Variants in ARHGEF38 observed in about 807,000 individuals in gnomAD.
ARHGEF38 encodes Rho guanine nucleotide exchange factor (GEF) 38.
A neutral mutation model predicts 79.9 loss-of-function variants in ARHGEF38; 79 were observed. The observed-to-expected ratio is 0.99, with a 90% CI of 0.82 to 1.19. The LOEUF (loss-of-function observed/expected upper bound fraction) is 1.19, where lower values mean the gene tolerates loss of function less well. Ranked by LOEUF, ARHGEF38 falls within the 50% of genes most tolerant of loss-of-function variation. The probability of loss-of-function intolerance (pLI) is 0.00; values close to 1 mark genes in which losing one functional copy is unlikely to be tolerated. For synonymous variants in ARHGEF38, 366 were observed against 328.3 expected, an observed-to-expected ratio of 1.11 and a Z score of -1.24; for missense variants, 962 against 907.2, an observed-to-expected ratio of 1.06 and a Z score of -0.78.
intron 4 of ARHGEF38, chr4:105,631,434 A>G: frequency 1.0e-6 from 1 of 987,984 alleles, no homozygotes; most frequent in Non-Finnish European, 1.2e-6. Flanking sequence ...AGTTAGGGGA[A>G]TGGCCTACAA....
intron 6 of ARHGEF38, among the ~76,000 whole-genome samples, chr4:105,647,384 C>T (rs1413535080): frequency 6.6e-6 from 1 of 151,852 alleles, no homozygotes. Context: ...ATATCATGAA[C>T]ATTCTTTCAA....
At position 105,667,484 on chromosome 4, in the gene ARHGEF38, C is replaced by G; in HGVS notation, c.1929C>G (p.Tyr643Ter). The change falls in exon 13 of 14, where the codon TAC (tyrosine) becomes TAG (stop). Residue 643 changes from tyrosine (Y) to a stop codon, truncating the protein, a stop_gained. Transcript: ENST00000420470. LOFTEE classifies it high-confidence loss of function. ...GYVYSSFLKP[Y>*]NPAKMQKVDA... ...TTTATTCCTCCTTCCTAAAACCCTA[C>G]AATCCAGCAAAAATGCAGAAAGTGG... 6.5e-7 allele frequency: 1 copy of G among 1,536,286 alleles called. No individual in the cohort carries two copies. The highest frequency in any genetic ancestry group is 2.4e-5 in the East Asian group (1 of 40,918).
chr4:105,574,452 A>C (rs1408736671), intron 1 of ARHGEF38, among the ~76,000 whole-genome samples: 1 of 151,378 alleles, frequency 6.6e-6, no homozygotes, highest in Admixed American at 6.6e-5. Flanking sequence ...TTGGAGGCTG[A>C]GGCAGGAAAA....
At chr4:105,562,210 C>T (rs761284983) in intron 1 of ARHGEF38, among the ~76,000 whole-genome samples, 1 of 152,156 alleles carries the variant, frequency 6.6e-6, no homozygotes, top group African/African-American at 2.4e-5. Flanking sequence ...GTGTTCTGAT[C>T]CCCCTCAGTG....
intron 4 of ARHGEF38, among the ~76,000 whole-genome samples, chr4:105,634,024 G>A (rs1168154355): frequency 6.6e-6 from 1 of 152,124 alleles, no homozygotes; most frequent in African/African-American, 2.4e-5. Flanking sequence ...TAACGTGAGG[G>A]CAGTGTTTTT....
rs537986025 is a variant in ARHGEF38 at position 105,655,863 on chromosome 4, G to A, written c.1233+141G>A. On this transcript the variant is annotated intron_variant, in intron 9 of 13. Coordinates refer to ENST00000420470, the MANE Select transcript of ARHGEF38 (RefSeq NM_001242729.2). ...ATGTCAAAATTAGTAGATTTAAATG[G>A]GATTTTTTTAAATCATTTAATATTT... The A allele has an allele frequency of 1.5e-4, 146 of 981,956 alleles. 2 individuals are homozygous for A. The South Asian group carries it at 2.7e-3, about 18-fold the overall frequency. 60.8% of individuals were successfully genotyped at this position (981,956 alleles called of 1,614,324 possible). A position where few individuals can be genotyped will look rare whatever the true frequency, so the allele number is the denominator to read the frequency against.
At chr4:105,652,758 A>G (rs1374533) in intron 7 of ARHGEF38, among the ~76,000 whole-genome samples, 1,635 of 152,306 alleles carry the variant, frequency 0.011, 37 homozygotes, top group African/African-American at 0.037. Context: ...TGTTATACAC[A>G]CTAGACTGAG....
At chr4:105,571,448 G>A (rs754802814) in intron 1 of ARHGEF38, among the ~76,000 whole-genome samples, 1 of 151,010 alleles carries the variant, frequency 6.6e-6, no homozygotes, top group South Asian at 2.1e-4. Flanking sequence ...TCAGCCTCCG[G>A]AGTAGCTGGG....
intron 2 of ARHGEF38, among the ~76,000 whole-genome samples, chr4:105,590,475 T>C (rs1381215841): frequency 6.6e-6 from 1 of 152,186 alleles, no homozygotes; most frequent in Non-Finnish European, 1.5e-5. Context: ...CATATACATA[T>C]ACAAGCACAT....
chr4:105,571,746 T>G (rs1215477787), intron 1 of ARHGEF38, among the ~76,000 whole-genome samples: 2 of 152,232 alleles, frequency 1.3e-5, no homozygotes, highest in Non-Finnish European at 2.9e-5. Context: ...ACACATATGT[T>G]CCTTTTCGAA....
intron 10 of ARHGEF38, among the ~76,000 whole-genome samples, chr4:105,662,604 A>G (rs1233217099): frequency 6.6e-6 from 1 of 152,164 alleles, no homozygotes; most frequent in African/African-American, 2.4e-5. Flanking sequence ...ATTTAATTTT[A>G]TCTTTTTCCA....
At chr4:105,658,107 A>G (rs1427512589) in intron 9 of ARHGEF38, among the ~76,000 whole-genome samples, 2 of 152,194 alleles carry the variant, frequency 1.3e-5, no homozygotes, top group African/African-American at 4.8e-5. Context: ...AAAAGTGTAA[A>G]CAATTTAAGA....
chr4:105,579,078 T>G (rs1468920033), intron 1 of ARHGEF38, among the ~76,000 whole-genome samples: 5 of 152,020 alleles, frequency 3.3e-5, no homozygotes, highest in African/African-American at 9.7e-5. Context: ...GCTAGTGGGG[T>G]TTTTTTGGTA....
intron 1 of ARHGEF38, among the ~76,000 whole-genome samples, chr4:105,579,933 T>C (rs1264546427): frequency 6.6e-6 from 1 of 152,208 alleles, no homozygotes; most frequent in Non-Finnish European, 1.5e-5. Context: ...TGTTCAGAAA[T>C]TGAATTTCTT....
chr4:105,643,813 T>G (rs921505038), intron 5 of ARHGEF38, among the ~76,000 whole-genome samples: 2 of 152,102 alleles, frequency 1.3e-5, no homozygotes. Flanking sequence ...GATAATACAT[T>G]CTTTTGTTTC....
intron 10 of ARHGEF38, among the ~76,000 whole-genome samples, chr4:105,665,919 T>A (rs1443174349): frequency 6.6e-6 from 1 of 152,214 alleles, no homozygotes; most frequent in Non-Finnish European, 1.5e-5. Context: ...GAGCTTTTTT[T>A]CCAAGACTTC....
chr4:105,556,133 C>T (rs1690354430), intron 1 of ARHGEF38, among the ~76,000 whole-genome samples: 2 of 152,076 alleles, frequency 1.3e-5, no homozygotes, highest in African/African-American at 4.8e-5. Context: ...ATACCTTGTT[C>T]TTTGAAATTA....
chr4:105,631,233 C>G (rs1036832609), intron 4 of ARHGEF38, 188 bp downstream of exon 4: 9 of 1,240,886 alleles, frequency 7.3e-6, no homozygotes, highest in Non-Finnish European at 8.1e-6. Flanking sequence ...TTTCCCCCTG[C>G]GAGAATGACT....
chr4:105,588,415 C>A (rs767313011), intron 1 of ARHGEF38, among the ~76,000 whole-genome samples: 5 of 152,192 alleles, frequency 3.3e-5, no homozygotes, highest in Non-Finnish European at 7.3e-5. Context: ...TCACACACTG[C>A]CCTGATGTTT....
Sources: gnomAD v4.1 joint callset for allele counts (sites outside exome capture counted in the v4.1 genomes callset) on GRCh38, gnomAD v4.1.1 for gene constraint, MANE v1.5 for transcripts, NCBI Gene and HGNC (gene_info 2026-07-23, HGNC 2026-07-21) for gene names.